EPC2: variants seen among roughly 807,000 people sequenced by gnomAD.
The protein encoded by EPC2 is enhancer of polycomb homolog 2.
A neutral mutation model predicts 92.1 loss-of-function variants in EPC2; 14 were observed. The observed-to-expected ratio is 0.15, with a 90% CI of 0.10 to 0.24. The LOEUF (loss-of-function observed/expected upper bound fraction) is 0.24. Ranked by LOEUF, EPC2 falls within the 10% of genes least tolerant of loss-of-function variation. The pLI, the probability that EPC2 is intolerant of heterozygous loss-of-function variation, is 1.00. For missense variants in EPC2, 755 were observed against 971.5 expected, an observed-to-expected ratio of 0.78 and a Z score of 2.96; for synonymous variants, 340 against 334.7, an observed-to-expected ratio of 1.02 and a Z score of -0.17.
intron 2 of EPC2, among the ~76,000 whole-genome samples, chr2:148,694,883 C>T (rs1681714742): frequency 6.6e-6 from 1 of 152,198 alleles, no homozygotes; most frequent in African/African-American, 2.4e-5. Context: ...AGCAATTCCT[C>T]TGCCTCAGCC....
intron 1 of EPC2, 101 bp downstream of exon 1, chr2:148,645,271 C>T (rs1559136225): frequency 9.4e-7 from 1 of 1,058,808 alleles, no homozygotes; most frequent in Non-Finnish European, 1.4e-6. Flanking sequence ...CGCTGGAGGG[C>T]GCCGCTGCCG....
intron 1 of EPC2, among the ~76,000 whole-genome samples, chr2:148,676,961 A>T (rs112675179): frequency 0.021 from 3,150 of 151,938 alleles, 125 homozygotes; most frequent in African/African-American, 0.072. Flanking sequence ...CCTGTGCTTG[A>T]GTTTAGTTAT....
chr2:148,676,400 A>G (rs1296587840), intron 1 of EPC2, among the ~76,000 whole-genome samples: 1 of 152,060 alleles, frequency 6.6e-6, no homozygotes, highest in East Asian at 1.9e-4. Flanking sequence ...TGGTGAAGAG[A>G]TGTTTCAATT....
At chr2:148,772,590 A>G (rs1025904668) in intron 10 of EPC2, among the ~76,000 whole-genome samples, 25 of 152,304 alleles carry the variant, frequency 1.6e-4, no homozygotes, top group African/African-American at 6.0e-4. Context: ...ATAATGGAAA[A>G]TTGGATTTGT....
intron 1 of EPC2, among the ~76,000 whole-genome samples, chr2:148,667,476 A>T (rs1681077346): frequency 6.6e-6 from 1 of 152,166 alleles, no homozygotes; most frequent in Non-Finnish European, 1.5e-5. Flanking sequence ...TATTGATTTT[A>T]TATCCTTCAA....
At chr2:148,689,068 C>T (rs1385997460) in intron 1 of EPC2, among the ~76,000 whole-genome samples, 1 of 152,040 alleles carries the variant, frequency 6.6e-6, no homozygotes, top group African/African-American at 2.4e-5. Flanking sequence ...GAAAGCAGAC[C>T]GTTTGGATAT....
intron 1 of EPC2, among the ~76,000 whole-genome samples, chr2:148,674,035 G>A (rs1334044427): frequency 6.6e-6 from 1 of 152,122 alleles, no homozygotes; most frequent in East Asian, 1.9e-4. Context: ...CTGTTTGCCT[G>A]CTTCTTTTTT....
At chr2:148,672,155 C>T (rs1681167140) in intron 1 of EPC2, among the ~76,000 whole-genome samples, 1 of 152,022 alleles carries the variant, frequency 6.6e-6, no homozygotes, top group Admixed American at 6.6e-5. Context: ...AAAAGTAAGT[C>T]TTATAATTGT....
intron 2 of EPC2, among the ~76,000 whole-genome samples, chr2:148,704,271 C>T (rs748642494): frequency 6.6e-6 from 1 of 152,018 alleles, no homozygotes; most frequent in Non-Finnish European, 1.5e-5. Flanking sequence ...AGACATTGGC[C>T]AAGTGAAATA....
chr2:148,685,313 A>G (rs2105368825), intron 1 of EPC2, among the ~76,000 whole-genome samples: 2 of 152,190 alleles, frequency 1.3e-5, no homozygotes, highest in Middle Eastern at 6.8e-3. Flanking sequence ...CTTACAGCTG[A>G]AAGATATTTC....
chr2:148,762,782 G>C lies in EPC2; in HGVS notation c.928G>C (p.Val310Leu). The change falls in exon 6 of 14, where the codon GTT becomes CTT. Residue 310 changes from valine (V) to leucine (L), a missense_variant. By Grantham distance (32) the Val-to-Leu change is conservative. Coordinates refer to ENST00000258484, the MANE Select transcript of EPC2 (RefSeq NM_015630.4). Reference sequence around the variant, plus strand: ...TCTTCATAATGGAAATCATCACAAAGTTCAAGAATGTAAAACTAAGGTGAA... The same window carrying C: ...TCTTCATAATGGAAATCATCACAAACTTCAAGAATGTAAAACTAAGGTGAA... Reference protein sequence around the residue: ...ATLHNGNHHKVQECKTKHPHH... With the variant: ...ATLHNGNHHKLQECKTKHPHH... 6.2e-7 allele frequency: 1 copy of C among 1,607,154 alleles called. No homozygotes were observed. Among genetic ancestry groups the C allele is most frequent in the Non-Finnish European group, 8.5e-7 (1 of 1,177,818 alleles).
intron 1 of EPC2, among the ~76,000 whole-genome samples, chr2:148,646,402 C>T (rs943095473): frequency 1.3e-5 from 2 of 152,116 alleles, no homozygotes; most frequent in Non-Finnish European, 2.9e-5. Context: ...CTTACATTTT[C>T]AGTAGAAAAT....
At chr2:148,677,350 C>T (rs1170045906) in intron 1 of EPC2, among the ~76,000 whole-genome samples, 1 of 152,132 alleles carries the variant, frequency 6.6e-6, no homozygotes, top group Non-Finnish European at 1.5e-5. Flanking sequence ...AGAGAGTCAT[C>T]TGTGATCTGT....
intron 3 of EPC2, among the ~76,000 whole-genome samples, chr2:148,750,761 ATTTAACTCTT>A (rs1683069041): frequency 6.6e-6 from 1 of 152,118 alleles, no homozygotes; most frequent in Non-Finnish European, 1.5e-5. Flanking sequence ...AAAAGTGGTC[ATTTAACTCTT>A]TTTGAATTTA....
At chr2:148,770,665 G>T in intron 8 of EPC2, 127 bp from the exon 9 acceptor site, 1 of 1,111,476 alleles carries the variant, frequency 9.0e-7, no homozygotes, top group Non-Finnish European at 1.2e-6. Flanking sequence ...CACTTTTACA[G>T]TTTTATATCT....
At chr2:148,675,070 T>A (rs570791187) in intron 1 of EPC2, among the ~76,000 whole-genome samples, 61 of 152,368 alleles carry the variant, frequency 4.0e-4, no homozygotes, top group Middle Eastern at 6.8e-3. Flanking sequence ...CCTTCTGTCT[T>A]ACTCATTTTA....
At chr2:148,667,999 A>G (rs1171146749) in intron 1 of EPC2, among the ~76,000 whole-genome samples, 1 of 152,078 alleles carries the variant, frequency 6.6e-6, no homozygotes, top group Non-Finnish European at 1.5e-5. Context: ...CCCAGGTTCA[A>G]GCGATTCTCC....
At chr2:148,717,978 C>T (rs1429822041) in intron 2 of EPC2, among the ~76,000 whole-genome samples, 2 of 152,136 alleles carry the variant, frequency 1.3e-5, no homozygotes, top group Non-Finnish European at 2.9e-5. Context: ...TAGAATTGAA[C>T]CCTTTACCAT....
Position 148,687,695 on chromosome 2 carries a change from T to C in EPC2, c.154-2519T>C, listed in dbSNP as rs1574582644. 1.2e-4 allele frequency among the ~76,000 whole-genome samples: 18 copies of C among 152,340 alleles called. 1 individual carries two copies. In the South Asian group the frequency reaches 2.9e-3, roughly 25 times the overall value. ...ATTGGATCTGACAAAACGATGCTGC[T>C]TGTGGGAGTCCCAATAGCTGCCCTG... On this transcript the variant is annotated intron_variant, in intron 1 of 13. Transcript: ENST00000258484.
Sources: gnomAD v4.1 joint callset for allele counts (sites outside exome capture counted in the v4.1 genomes callset) on GRCh38, gnomAD v4.1.1 for gene constraint, MANE v1.5 for transcripts, NCBI Gene and HGNC (gene_info 2026-07-23, HGNC 2026-07-21) for gene names.